BCL2: variants seen among roughly 807,000 people sequenced by gnomAD.
BCL2 encodes the protein BCL2 apoptosis regulator.
Under a neutral mutation model 14.2 loss-of-function variants are expected in BCL2, and 1 was observed. The ratio of observed to expected loss-of-function variants is 0.07; its 90% CI spans 0.02 to 0.33. The LOEUF (loss-of-function observed/expected upper bound fraction) is 0.33, where lower values mean the gene tolerates loss of function less well. BCL2 is among the 10% of genes least tolerant of loss of function. The pLI, the probability that BCL2 is intolerant of heterozygous loss-of-function variation, is 0.99. For synonymous variants in BCL2, 151 were observed against 137.2 expected, an observed-to-expected ratio of 1.10 and a Z score of -0.70; for missense variants, 247 against 305.9, an observed-to-expected ratio of 0.81 and a Z score of 1.44.
intron 2 of BCL2, among the ~76,000 whole-genome samples, chr18:63,220,169 A>C (rs1910347603): frequency 6.6e-6 from 1 of 152,164 alleles, no homozygotes; most frequent in Non-Finnish European, 1.5e-5. Context: ...GTGGATGAAA[A>C]CTTTTGTAAG....
rs1453249538 is a variant in BCL2 at position 63,127,469 on chromosome 18, G to A, written c.*1156C>T. 8.6e-6 allele frequency: 2 copies of A among 233,500 alleles called. No individual in the cohort carries two copies. Among genetic ancestry groups the A allele is most frequent in the African/African-American group, 4.4e-5 (2 of 45,232 alleles). 14.5% of individuals were successfully genotyped at this position (233,500 alleles called of 1,614,324 possible). On this transcript the variant is annotated 3_prime_UTR_variant, in exon 3 of 3. Transcript: ENST00000333681. ...AAACGGGCCTACCTGGAGGGCCCCA[G>A]GGTGACAGGCCCAGCCACACCCCTC...
intron 2 of BCL2, among the ~76,000 whole-genome samples, chr18:63,301,163 C>T (rs948226386): frequency 2.0e-5 from 3 of 152,136 alleles, no homozygotes; most frequent in East Asian, 1.9e-4. Flanking sequence ...AATTCTTCCT[C>T]GAAGAGTCAA....
rs6567336 is a variant in BCL2 at position 63,267,670 on chromosome 18, T to G, written c.585+50412A>C. On this transcript the variant is annotated intron_variant, in intron 2 of 2. Transcript: ENST00000333681. ...GTGTCTGAATTTCAGATGAAGGACC[T>G]GCAGTAAATATATATCCTTGAGAGG... 4.4e-3 allele frequency among the ~76,000 whole-genome samples: 672 copies of G among 152,316 alleles called. 9 individuals carry two copies. The highest frequency in any genetic ancestry group is 0.016 in the African/African-American group (649 of 41,562).
intron 2 of BCL2, among the ~76,000 whole-genome samples, chr18:63,164,889 G>T (rs1057412627): frequency 6.6e-6 from 1 of 152,120 alleles, no homozygotes; most frequent in South Asian, 2.1e-4. Flanking sequence ...ATTAATAGAA[G>T]AATATTTTTC....
At chr18:63,302,807 T>C in intron 2 of BCL2, 6 of 985,156 alleles carry the variant, frequency 6.1e-6, no homozygotes, top group Non-Finnish European at 7.2e-6. Context: ...TCCTGGCCCA[T>C]GCTGAAACTC....
intron 2 of BCL2, among the ~76,000 whole-genome samples, chr18:63,170,375 G>C (rs890999995): frequency 6.6e-6 from 1 of 152,140 alleles, no homozygotes; most frequent in African/African-American, 2.4e-5. Flanking sequence ...ATGGTGCCTT[G>C]TGCATAGTCA....
At chr18:63,236,865 CTCT>C (rs1489116842) in intron 2 of BCL2, among the ~76,000 whole-genome samples, 2 of 152,190 alleles carry the variant, frequency 1.3e-5, no homozygotes, top group Non-Finnish European at 2.9e-5. Flanking sequence ...CTGCTCTGGG[CTCT>C]TCTTGTTTAA....
intron 2 of BCL2, among the ~76,000 whole-genome samples, chr18:63,145,499 G>C (rs1181763176): frequency 6.6e-6 from 1 of 152,198 alleles, no homozygotes; most frequent in Non-Finnish European, 1.5e-5. Flanking sequence ...CTCATGACTG[G>C]AAACAGCTTT....
chr18:63,247,561 A>T (rs1029812436), intron 2 of BCL2, among the ~76,000 whole-genome samples: 1 of 152,128 alleles, frequency 6.6e-6, no homozygotes, highest in Non-Finnish European at 1.5e-5. Context: ...GAAATCTTCT[A>T]CTAGGGGAAG....
chr18:63,253,897 G>T (rs1599271480), intron 2 of BCL2, among the ~76,000 whole-genome samples: 1 of 120,684 alleles, frequency 8.3e-6, no homozygotes. Flanking sequence ...TCCAAAAACT[G>T]CTGAATGTTG....
chr18:63,264,018 C>T (rs1911742527), intron 2 of BCL2, among the ~76,000 whole-genome samples: 1 of 152,236 alleles, frequency 6.6e-6, no homozygotes. Flanking sequence ...GATCCACCTG[C>T]CTTGGCCTCC....
intron 2 of BCL2, among the ~76,000 whole-genome samples, chr18:63,166,721 C>T (rs886520458): frequency 2.0e-5 from 3 of 152,150 alleles, no homozygotes; most frequent in South Asian, 2.1e-4. Flanking sequence ...AGCTTACCGA[C>T]GGGATATGAG....
In BCL2 at chr18:63,123,752, C is replaced by T. The variant is rs1913835912; in HGVS notation, c.*4873G>A. The T allele has an allele frequency of 4.6e-6, 1 of 218,028 alleles. No individual in the cohort carries two copies. The highest frequency in any genetic ancestry group is 5.8e-5 in the Admixed American group (1 of 17,202). The allele number at this position is 218,028 out of a possible 1,614,324, so 13.5% of individuals were successfully genotyped here. On this transcript the variant is annotated 3_prime_UTR_variant, in exon 3 of 3. Coordinates refer to ENST00000333681, the MANE Select transcript of BCL2 (RefSeq NM_000633.3). ...AAACAAAACCACCAAAAGAAAGCTT[C>T]CCCAAAAGAAATGCAATCCACTGTC... is the stretch of plus-strand genomic sequence containing the variant.
chr18:63,180,767 C>T (rs964311287), intron 2 of BCL2, among the ~76,000 whole-genome samples: 7 of 152,204 alleles, frequency 4.6e-5, no homozygotes, highest in African/African-American at 1.4e-4. Flanking sequence ...CATCAAGGTC[C>T]CTTAGCCCTC....
intron 2 of BCL2, among the ~76,000 whole-genome samples, chr18:63,206,989 A>T (rs1348214575): frequency 6.6e-6 from 1 of 152,188 alleles, no homozygotes; most frequent in Non-Finnish European, 1.5e-5. Flanking sequence ...ACAGCTGCTG[A>T]CAGAGGCTGA....
At chr18:63,156,143 G>A (rs574426455) in intron 2 of BCL2, among the ~76,000 whole-genome samples, 83 of 151,564 alleles carry the variant, frequency 5.5e-4, no homozygotes, top group Non-Finnish European at 1.0e-3. Context: ...CAGGGGAGGG[G>A]GGTGTTCAAA....
At chr18:63,314,754 ATAAC>A (rs1913444844) in intron 2 of BCL2, 3 of 152,254 alleles carry the variant, frequency 2.0e-5, no homozygotes, top group African/African-American at 7.2e-5. Flanking sequence ...GGATAAAATA[ATAAC>A]TAACAGAGCT....
At chr18:63,230,156 T>C (rs1910652800) in intron 2 of BCL2, among the ~76,000 whole-genome samples, 2 of 152,176 alleles carry the variant, frequency 1.3e-5, no homozygotes, top group Non-Finnish European at 2.9e-5. Flanking sequence ...AGAACTGTTA[T>C]CATACAGACC....
chr18:63,312,337 G>A (rs1043207817), intron 2 of BCL2, among the ~76,000 whole-genome samples: 2 of 152,188 alleles, frequency 1.3e-5, no homozygotes, highest in African/African-American at 4.8e-5. Flanking sequence ...GAAGAGAGAG[G>A]AATAATCATT....
Sources: gnomAD v4.1 joint callset for allele counts (sites outside exome capture counted in the v4.1 genomes callset) on GRCh38, gnomAD v4.1.1 for gene constraint, MANE v1.5 for transcripts, NCBI Gene and HGNC (gene_info 2026-07-23, HGNC 2026-07-21) for gene names.